Variants in MAP3K20 observed in about 807,000 individuals in gnomAD.
MAP3K20 encodes HCCS-4.
A neutral mutation model predicts 85.7 loss-of-function variants in MAP3K20; 40 were observed. The observed-to-expected ratio is 0.47, with a 90% confidence interval of 0.36 to 0.61. The LOEUF is 0.61. Among genes scored for constraint, MAP3K20 ranks in the 20% least tolerant of loss-of-function variants. The probability of loss-of-function intolerance (pLI) is 0.00; values close to 1 mark genes in which losing one functional copy is unlikely to be tolerated. For synonymous variants in MAP3K20, 325 were observed against 327.7 expected (o/e 0.99, Z 0.09); for missense variants, 817 against 961.7 (o/e 0.85, Z 1.99).
intron 2 of MAP3K20, among the ~76,000 whole-genome samples, chr2:173,112,242 T>C (rs1484794385): frequency 6.6e-6 from 1 of 152,184 alleles, no homozygotes; most frequent in African/African-American, 2.4e-5. Flanking sequence ...AGCTACTGAT[T>C]TGTGTATATT....
chr2:173,178,766 ACT>A (rs1271959519), intron 3 of MAP3K20, among the ~76,000 whole-genome samples: 1 of 152,178 alleles, frequency 6.6e-6, no homozygotes, highest in Admixed American at 6.5e-5. Flanking sequence ...TTCTTCCCAT[ACT>A]CTTTCAGAAA....
chr2:173,119,982 C>T (rs1366047600), intron 2 of MAP3K20, among the ~76,000 whole-genome samples: 5 of 152,254 alleles, frequency 3.3e-5, no homozygotes, highest in Admixed American at 6.5e-5. Flanking sequence ...AATTAATATA[C>T]ACAAGTATCT....
chr2:173,223,067 A>C lies in MAP3K20; in HGVS notation c.987+5817A>C, dbSNP rs368926090. 1.2e-4 allele frequency: 123 copies of C among 985,456 alleles called. 1 individual carries two copies. The East Asian group carries it at 5.0e-3, about 40-fold the overall frequency. 61.0% of individuals were successfully genotyped at this position (985,456 alleles called of 1,614,324 possible). A position where few individuals can be genotyped will look rare whatever the true frequency, so the allele number is the denominator to read the frequency against. On this transcript the variant is annotated intron_variant, in intron 11 of 19. Transcript: ENST00000375213. The stretch of plus-strand genomic sequence containing the variant: ...TTTCTAACTATATTTGATCATTAAA[A>C]GCCTCTTGGAATTTGAAGCGTGACG...
At chr2:173,224,254 G>A (rs1684327209) in intron 11 of MAP3K20, 1 of 985,282 alleles carries the variant, frequency 1.0e-6, no homozygotes, top group East Asian at 1.1e-4. Flanking sequence ...AAGGCAAGGG[G>A]ATCTTTGGGG....
At position 173,266,783 on chromosome 2, in the gene MAP3K20, T is replaced by TAAAAAA. The variant is rs3835094; in HGVS notation, c.*45_*50dup. On this transcript the variant is annotated 3_prime_UTR_variant, in exon 20 of 20. Transcript: ENST00000375213. The stretch of plus-strand genomic sequence containing the variant: ...AACTACATAGCTTTTCTAAGCAGGT[T>TAAAAAA]AAAAAAAAAAAAAAAAAGAAATGTA... 5.3e-5 allele frequency: 55 copies of TAAAAAA among 1,031,146 alleles called. 2 individuals are homozygous for TAAAAAA. The highest frequency in any genetic ancestry group is 1.3e-4 in the South Asian group (4 of 30,580). The allele number at this position is 1,031,146 out of a possible 1,614,324, so 63.9% of individuals were successfully genotyped here. A position where few individuals can be genotyped will look rare whatever the true frequency, so the allele number is the denominator to read the frequency against.
intron 2 of MAP3K20, among the ~76,000 whole-genome samples, chr2:173,167,797 G>A (rs1294718099): frequency 6.6e-6 from 1 of 152,138 alleles, no homozygotes; most frequent in African/African-American, 2.4e-5. Flanking sequence ...ATGCTGCATT[G>A]TAAAGTGGTC....
At chr2:173,211,371 C>A (rs868622998) in intron 10 of MAP3K20, 1 of 152,338 alleles carries the variant, frequency 6.6e-6, no homozygotes, top group Non-Finnish European at 1.5e-5. Flanking sequence ...TTCTGGCTTT[C>A]AGTCCCTCAA....
chr2:173,118,293 A>G (rs1329909299), intron 2 of MAP3K20, among the ~76,000 whole-genome samples: 1 of 152,248 alleles, frequency 6.6e-6, no homozygotes, highest in Non-Finnish European at 1.5e-5. Flanking sequence ...GAATTTAGTC[A>G]CTAACATTAA....
chr2:173,168,704 A>G (rs978417597), intron 2 of MAP3K20, among the ~76,000 whole-genome samples: 8 of 152,160 alleles, frequency 5.3e-5, no homozygotes, highest in Non-Finnish European at 1.2e-4. Flanking sequence ...ATTGAAAAAT[A>G]CTGAATATTT....
In MAP3K20 at chr2:173,138,966, G is replaced by A. The variant is rs138886288; in HGVS notation, c.160-30839G>A. On this transcript the variant is annotated intron_variant, in intron 2 of 19. Transcript: ENST00000375213. Reference sequence around the variant, plus strand: ...ATCTGTTTTTAAAAGTCCACAGGCTGTCTGGAAGTGGGTTCAATCATACTC... The same window carrying A: ...ATCTGTTTTTAAAAGTCCACAGGCTATCTGGAAGTGGGTTCAATCATACTC... Among the ~76,000 whole-genome samples, 26 of 152,328 alleles carry A rather than the reference G, an allele frequency of 1.7e-4. No homozygotes were observed. In the East Asian group the frequency reaches 4.0e-3, roughly 24 times the overall value.
At chr2:173,238,683 G>A (rs992926890) in intron 15 of MAP3K20, among the ~76,000 whole-genome samples, 1 of 152,210 alleles carries the variant, frequency 6.6e-6, no homozygotes, top group Non-Finnish European at 1.5e-5. Flanking sequence ...GCTAGGAGTT[G>A]TAAGTGCCAA....
At chr2:173,148,159 T>C (rs962817727) in intron 2 of MAP3K20, among the ~76,000 whole-genome samples, 18 of 152,156 alleles carry the variant, frequency 1.2e-4, no homozygotes, top group African/African-American at 4.1e-4. Context: ...TACCCAACTC[T>C]CTGCCCCTTT....
At chr2:173,258,562 T>C (rs1685211180) in intron 16 of MAP3K20, 137 bp from the exon 17 acceptor site, 1 of 584,064 alleles carries the variant, frequency 1.7e-6, no homozygotes, top group Admixed American at 3.3e-5. Flanking sequence ...TTTCATGTCC[T>C]TTTATTGAAA....
chr2:173,204,148 G>A (rs1683587586), intron 9 of MAP3K20, among the ~76,000 whole-genome samples: 1 of 152,062 alleles, frequency 6.6e-6, no homozygotes, highest in African/African-American at 2.4e-5. Context: ...AATAACTATT[G>A]CACCTATATG....
chr2:173,178,468 A>AC (rs965955124), intron 3 of MAP3K20, among the ~76,000 whole-genome samples: 8 of 152,054 alleles, frequency 5.3e-5, no homozygotes, highest in African/African-American at 1.9e-4. Flanking sequence ...TCATAGCGAA[A>AC]CCCCATCTCT....
intron 2 of MAP3K20, among the ~76,000 whole-genome samples, chr2:173,157,946 A>G (rs913207066): frequency 1.3e-5 from 2 of 152,082 alleles, no homozygotes; most frequent in Non-Finnish European, 2.9e-5. Context: ...AGACCAGTTA[A>G]TTTTTCCTTG....
intron 14 of MAP3K20, among the ~76,000 whole-genome samples, chr2:173,234,270 G>A (rs1277976135): frequency 6.6e-6 from 1 of 152,152 alleles, no homozygotes; most frequent in Non-Finnish European, 1.5e-5. Flanking sequence ...TTCCAAGGGT[G>A]GCCCTGGATA....
intron 4 of MAP3K20, among the ~76,000 whole-genome samples, chr2:173,183,597 CT>C (rs527863392): frequency 1.3e-4 from 20 of 149,748 alleles, no homozygotes; most frequent in Middle Eastern, 3.4e-3. Flanking sequence ...TTATTTTTAT[CT>C]TTTTTTTTTC....
intron 14 of MAP3K20, 116 bp from the exon 15 acceptor site, chr2:173,238,257 C>G (rs1684698304): frequency 3.7e-6 from 3 of 818,374 alleles, no homozygotes; most frequent in African/African-American, 3.5e-5. Context: ...ATATAAATGC[C>G]CCCAAGATAT....
Sources: gnomAD v4.1 joint callset for allele counts (sites outside exome capture counted in the v4.1 genomes callset) on GRCh38, gnomAD v4.1.1 for gene constraint, MANE v1.5 for transcripts, NCBI Gene and HGNC (gene_info 2026-07-23, HGNC 2026-07-21) for gene names.